Variants in SH3PXD2B observed in about 807,000 individuals in gnomAD.
SH3PXD2B encodes SH3 and PX domains 2B, also known as SH3 and PX domain-containing protein 2B.
SH3PXD2B carries 37 observed loss-of-function variants against 73.1 expected under a neutral mutation model. The observed-to-expected ratio is 0.51, with a 90% CI of 0.39 to 0.67. SH3PXD2B has a LOEUF of 0.67. Among genes scored for constraint, SH3PXD2B ranks in the 30% least tolerant of loss-of-function variants. The pLI is 0.00. For missense variants in SH3PXD2B, 1,053 were observed against 1,197.8 expected, an observed-to-expected ratio of 0.88 and a Z score of 1.78; for synonymous variants, 457 against 480.5, an observed-to-expected ratio of 0.95 and a Z score of 0.64.
intron 6 of SH3PXD2B, among the ~76,000 whole-genome samples, chr5:172,368,756 T>A: frequency 1.0e-5 from 1 of 97,960 alleles, no homozygotes; most frequent in Admixed American, 1.4e-4. Context: ...TATATATATA[T>A]TTAATATATA....
chr5:172,443,565 G>A (rs1184698481), intron 1 of SH3PXD2B, among the ~76,000 whole-genome samples: 2 of 152,220 alleles, frequency 1.3e-5, no homozygotes, highest in African/African-American at 4.8e-5. Context: ...AACAGATGGT[G>A]ACCTCTGTGA....
At chr5:172,422,674 A>G (rs980706975) in intron 1 of SH3PXD2B, among the ~76,000 whole-genome samples, 178 bp from the exon 2 acceptor site, 2 of 152,212 alleles carry the variant, frequency 1.3e-5, no homozygotes, top group African/African-American at 4.8e-5. Context: ...CAATAAAATG[A>G]GTGTAATAAC....
chr5:172,368,532 A>G (rs1333310013), intron 6 of SH3PXD2B, among the ~76,000 whole-genome samples: 1 of 21,892 alleles, frequency 4.6e-5, no homozygotes, highest in African/African-American at 3.4e-4. Flanking sequence ...TATATTATAT[A>G]TATATATAAA....
At chr5:172,354,831 C>T (rs1757235942) in intron 8 of SH3PXD2B, among the ~76,000 whole-genome samples, 1 of 152,194 alleles carries the variant, frequency 6.6e-6, no homozygotes, top group Admixed American at 6.5e-5. Context: ...TCTGCGGTCC[C>T]CCGACCCCTG....
chr5:172,346,749 C>T (rs888645537), intron 11 of SH3PXD2B, among the ~76,000 whole-genome samples: 2 of 151,920 alleles, frequency 1.3e-5, no homozygotes, highest in Non-Finnish European at 2.9e-5. Flanking sequence ...GCATGGCACG[C>T]AACAGGTGCT....
chr5:172,351,471 C>T (rs1757157322), intron 9 of SH3PXD2B, among the ~76,000 whole-genome samples: 1 of 152,110 alleles, frequency 6.6e-6, no homozygotes, highest in Non-Finnish European at 1.5e-5. Context: ...CAATCTAGAC[C>T]AGGGGTGTGC....
chr5:172,408,674 G>A (rs1382968504), intron 2 of SH3PXD2B, among the ~76,000 whole-genome samples: 5 of 151,176 alleles, frequency 3.3e-5, no homozygotes, highest in Non-Finnish European at 7.4e-5. Flanking sequence ...AAGTAGTTGG[G>A]ATTACAGGCG....
chr5:172,330,063 A>AT (rs797022736), downstream of SH3PXD2B, among the ~76,000 whole-genome samples: 32 of 151,948 alleles, frequency 2.1e-4, no homozygotes, highest in East Asian at 2.3e-3. Context: ...GTGGGTATCA[A>AT]TTTTTTTTCA....
chr5:172,437,300 G>T (rs765676080), intron 1 of SH3PXD2B, among the ~76,000 whole-genome samples: 1 of 152,174 alleles, frequency 6.6e-6, no homozygotes, highest in Non-Finnish European at 1.5e-5. Flanking sequence ...ACTGTCCCCA[G>T]CTTTGTGTCC....
chr5:172,326,475 G>T (rs755088111), intron 12 of SH3PXD2B, among the ~76,000 whole-genome samples: 6 of 152,146 alleles, frequency 3.9e-5, no homozygotes, highest in Non-Finnish European at 7.3e-5. Flanking sequence ...CTCCAAGGAG[G>T]GAGATTTGGA....
intron 12 of SH3PXD2B, among the ~76,000 whole-genome samples, chr5:172,325,833 G>A (rs1756437525): frequency 6.6e-6 from 1 of 152,216 alleles, no homozygotes. Flanking sequence ...CCAGGCTGGA[G>A]TGCAAGTGCA....
intron 5 of SH3PXD2B, among the ~76,000 whole-genome samples, chr5:172,375,528 T>C (rs905544267): frequency 6.6e-6 from 1 of 152,210 alleles, no homozygotes; most frequent in Non-Finnish European, 1.5e-5. Context: ...CCTCCAGGCC[T>C]TGGCAACCAC....
intron 1 of SH3PXD2B, among the ~76,000 whole-genome samples, chr5:172,444,591 G>C (rs1759620507): frequency 6.6e-6 from 1 of 152,184 alleles, no homozygotes. Context: ...AACAAATTTG[G>C]AGTTATTTAA....
chr5:172,367,809 T>C (rs2731714), intron 6 of SH3PXD2B, among the ~76,000 whole-genome samples: 76,639 of 151,886 alleles, frequency 0.5, 20,686 homozygotes, highest in African/African-American at 0.68. Flanking sequence ...CTGGTTGAAA[T>C]GTCAATGTGA....
chr5:172,397,058 C>CA (rs1326785553), intron 3 of SH3PXD2B, among the ~76,000 whole-genome samples: 1 of 152,184 alleles, frequency 6.6e-6, no homozygotes, highest in African/African-American at 2.4e-5. Context: ...TCTCTTCTTT[C>CA]AAAAGCAAAT....
At chr5:172,434,789 T>TTTTTTGTTTTTTTG (rs774157226) in intron 1 of SH3PXD2B, among the ~76,000 whole-genome samples, 6,586 of 150,688 alleles carry the variant, frequency 0.044, 541 homozygotes, top group African/African-American at 0.15. Flanking sequence ...ATGGTTTTTT[T>TTTTTTGTTTTTTTG]TTTTTTTTTT....
downstream of SH3PXD2B, among the ~76,000 whole-genome samples, chr5:172,329,083 A>ATTTTTTTTTTTTTTTTT (rs1164155218): frequency 1.1e-4 from 7 of 61,810 alleles, no homozygotes; most frequent in African/African-American, 5.5e-4. Context: ...ATATATATAT[A>ATTTTTTTTTTTTTTTTT]TTTTTTTTTT....
In SH3PXD2B at chr5:172,454,329, C is replaced by A; in HGVS notation, c.24G>T (p.Val8=). 1 of 1,582,804 alleles carries A rather than the reference C, an allele frequency of 6.3e-7. No individual in the cohort carries two copies. MPPRRSI[V]EVKVLDVQKR... is the part of the protein sequence containing the mutation. The stretch of plus-strand genomic sequence containing the variant: ...TCTGCACGTCTAGCACCTTCACCTC[C>A]ACGATGCTGCGCCGCGGCGGCATGG... Residue 8 remains valine (V), a synonymous_variant, in exon 1 of 13, where the codon GTG becomes GTT. Transcript: ENST00000311601.
chr5:172,333,065 A>G (rs2113226743), downstream of SH3PXD2B, among the ~76,000 whole-genome samples: 2 of 151,016 alleles, frequency 1.3e-5, no homozygotes, highest in East Asian at 3.9e-4. Flanking sequence ...CCTCCCAAGT[A>G]GCTGGGGTTA....
Sources: allele counts gnomAD v4.1 joint callset (sites outside exome capture counted in the v4.1 genomes callset), GRCh38; gene constraint gnomAD v4.1.1; transcripts MANE v1.5; gene names NCBI Gene and HGNC (gene_info 2026-07-23, HGNC 2026-07-21).